The following PLCH1 variants were observed in gnomAD, a reference collection of about 807,000 sequenced individuals.
PLCH1 encodes the protein phospholipase C eta 1.
In PLCH1, 60 loss-of-function variants were observed where a neutral mutation model predicts 126.7. The observed-to-expected ratio is 0.47, with a 90% CI of 0.38 to 0.59. The LOEUF (loss-of-function observed/expected upper bound fraction) is 0.59. PLCH1 is among the 20% of genes least tolerant of loss of function. PLCH1 has a pLI of 0.00. For synonymous variants in PLCH1, 719 were observed against 734.9 expected, an observed-to-expected ratio of 0.98 and a Z score of 0.35; for missense variants, 1,723 against 2,040.0, an observed-to-expected ratio of 0.84 and a Z score of 2.99.
intron 4 of PLCH1, among the ~76,000 whole-genome samples, chr3:155,591,329 G>C (rs1001810946): frequency 6.6e-6 from 1 of 152,156 alleles, no homozygotes; most frequent in Admixed American, 6.5e-5. Flanking sequence ...GATGGGGGCG[G>C]GGGTGTAAAT....
chr3:155,586,188 C>T lies in PLCH1; in HGVS notation c.477G>A (p.Val159=). 1 of 1,614,110 alleles carries T rather than the reference C, an allele frequency of 6.2e-7. No individual in the cohort carries two copies. The highest frequency in any genetic ancestry group is 8.5e-7 in the Non-Finnish European group (1 of 1,179,940). ...AKRQRTHDQW[V]KQTFEEADKN... The stretch of plus-strand genomic sequence containing the variant: ...TATCAGCTTCCTCAAAGGTCTGCTT[C>T]ACCCATGTGCAGAAAGGTCAAAGAA... The change falls in exon 5 of 23, where the codon GTG becomes GTA. Residue 159 remains valine (V), a synonymous_variant. Coordinates refer to ENST00000460012, the MANE Select transcript of PLCH1 (RefSeq NM_014996.4).
chr3:155,679,199 A>G (rs1224511284), intron 2 of PLCH1, among the ~76,000 whole-genome samples: 1 of 152,146 alleles, frequency 6.6e-6, no homozygotes, highest in Non-Finnish European at 1.5e-5. Flanking sequence ...CAGTATAAGT[A>G]TGTCCCATGA....
chr3:155,488,223 A>G, intron 20 of PLCH1, 116 bp from the exon 21 acceptor site: 1 of 659,678 alleles, frequency 1.5e-6, no homozygotes, highest in Non-Finnish European at 2.7e-6. Flanking sequence ...TTTGAGACAG[A>G]GTGTTGCTCT....
At chr3:155,470,381 GAATA>G (rs1713149921) in intron 21 of PLCH1, among the ~76,000 whole-genome samples, 1 of 152,116 alleles carries the variant, frequency 6.6e-6, no homozygotes, top group Non-Finnish European at 1.5e-5. Context: ...AGAGAAAAAA[GAATA>G]AAAAGAAACG....
At chr3:155,682,744 T>A (rs1406009211) in intron 2 of PLCH1, among the ~76,000 whole-genome samples, 12 of 152,210 alleles carry the variant, frequency 7.9e-5, no homozygotes, top group Admixed American at 6.5e-5. Flanking sequence ...CAGGCAAACA[T>A]GCTTAAAATA....
chr3:155,732,071 A>G (rs1748816178), intron 1 of PLCH1, among the ~76,000 whole-genome samples: 1 of 152,034 alleles, frequency 6.6e-6, no homozygotes, highest in Non-Finnish European at 1.5e-5. Context: ...TCTAAAGAAA[A>G]AAAAGATGTA....
At chr3:155,470,424 T>C (rs985747409) in intron 21 of PLCH1, among the ~76,000 whole-genome samples, 1 of 152,072 alleles carries the variant, frequency 6.6e-6, no homozygotes, top group African/African-American at 2.4e-5. Flanking sequence ...TATGGGACTA[T>C]GTGAAAAGAC....
chr3:155,498,716 T>G (rs1322446080), intron 14 of PLCH1, among the ~76,000 whole-genome samples: 1 of 152,218 alleles, frequency 6.6e-6, no homozygotes, highest in Non-Finnish European at 1.5e-5. Context: ...TTTATACTTT[T>G]TCTATATTCT....
At chr3:155,506,452 C>T (rs558949887) in intron 12 of PLCH1, among the ~76,000 whole-genome samples, 16 of 151,294 alleles carry the variant, frequency 1.1e-4, no homozygotes, top group African/African-American at 3.4e-4. Context: ...GCTGCACCCA[C>T]TAACGTGTCA....
intron 10 of PLCH1, among the ~76,000 whole-genome samples, chr3:155,547,917 T>A (rs1576982343): frequency 2.0e-5 from 3 of 148,404 alleles, no homozygotes; most frequent in Non-Finnish European, 4.5e-5. Context: ...GAGGGATAGC[T>A]TTAGGAGATA....
At chr3:155,665,440 C>A (rs559774579) in intron 2 of PLCH1, among the ~76,000 whole-genome samples, 1 of 152,262 alleles carries the variant, frequency 6.6e-6, no homozygotes, top group African/African-American at 2.4e-5. Flanking sequence ...TCAGGCAAAG[C>A]AAAGAGTGCT....
chr3:155,561,009 T>G (rs1000517233), intron 8 of PLCH1, among the ~76,000 whole-genome samples: 7 of 152,206 alleles, frequency 4.6e-5, no homozygotes, highest in Non-Finnish European at 5.9e-5. Context: ...ATGCCTTTAC[T>G]GCTACTTTTA....
At chr3:155,675,062 A>G (rs1274882795) in intron 2 of PLCH1, among the ~76,000 whole-genome samples, 1 of 152,206 alleles carries the variant, frequency 6.6e-6, no homozygotes, top group African/African-American at 2.4e-5. Flanking sequence ...TAGAAAACTC[A>G]GGTATACTCA....
intron 2 of PLCH1, among the ~76,000 whole-genome samples, chr3:155,669,550 C>G (rs984072889): frequency 6.6e-6 from 1 of 152,198 alleles, no homozygotes; most frequent in African/African-American, 2.4e-5. Flanking sequence ...TGCACTCTAG[C>G]TTGGACAACA....
At chr3:155,536,717 A>G (rs899184545) in intron 10 of PLCH1, among the ~76,000 whole-genome samples, 1 of 152,184 alleles carries the variant, frequency 6.6e-6, no homozygotes, top group African/African-American at 2.4e-5. Flanking sequence ...GTTCCCCAGG[A>G]AGAAGAGAAA....
intron 2 of PLCH1, among the ~76,000 whole-genome samples, chr3:155,698,218 G>A (rs894015555): frequency 3.3e-5 from 5 of 152,098 alleles, no homozygotes; most frequent in African/African-American, 1.2e-4. Context: ...CAATAAACCA[G>A]TTACAAATGG....
At chr3:155,618,473 G>C (rs549987747) in intron 2 of PLCH1, among the ~76,000 whole-genome samples, 3 of 152,110 alleles carry the variant, frequency 2.0e-5, no homozygotes, top group African/African-American at 7.2e-5. Context: ...TTAACGTCTG[G>C]ATAGACTGTT....
At chr3:155,460,157 A>C (rs1343138533) in intron 21 of PLCH1, among the ~76,000 whole-genome samples, 1 of 152,254 alleles carries the variant, frequency 6.6e-6, no homozygotes, top group Non-Finnish European at 1.5e-5. Context: ...TATAATGGAC[A>C]GTTGCAATTT....
rs117586046 is a variant in PLCH1, at chr3:155,463,803, G to A, written c.2938+21553C>T. Among the ~76,000 whole-genome samples, 69 of 152,260 alleles carry A rather than the reference G, an allele frequency of 4.5e-4. No individual in the cohort carries two copies. In the East Asian group the frequency reaches 0.011, roughly 23 times the overall value. On this transcript the variant is annotated intron_variant, in intron 21 of 21. Coordinates refer to the PLCH1 transcript ENST00000494598. ...AGAGAACCAAAGAGAAATATAAAAA[G>A]ATAAATTTAGTCATCACCACACACA...
Sources: gnomAD v4.1 joint callset for allele counts (sites outside exome capture counted in the v4.1 genomes callset) on GRCh38, gnomAD v4.1.1 for gene constraint, MANE v1.5 for transcripts, NCBI Gene and HGNC (gene_info 2026-07-23, HGNC 2026-07-21) for gene names.